RPL12: variants seen among roughly 807,000 people sequenced by gnomAD.
The protein encoded by RPL12 is large ribosomal subunit protein uL11.
RPL12 carries 10 observed loss-of-function variants against 24.5 expected under a neutral mutation model. That is an observed-to-expected ratio of 0.41 (90% CI 0.25 to 0.69). The LOEUF (loss-of-function observed/expected upper bound fraction) is 0.69, where lower values mean the gene tolerates loss of function less well. RPL12 is among the 30% of genes least tolerant of loss of function. The pLI is 0.33. For missense variants in RPL12, 137 were observed against 205.3 expected (o/e 0.67, Z 2.03); for synonymous variants, 74 against 76.1 (o/e 0.97, Z 0.14).
At position 127,449,700 on chromosome 9, in the gene RPL12, T is replaced by C. The variant is rs1834237906; in HGVS notation, c.120A>G (p.Lys40=). The change falls in exon 3 of 7, where the codon AAA becomes AAG. Residue 40 remains lysine (K), a synonymous_variant. Coordinates refer to ENST00000361436, the MANE Select transcript of RPL12 (RefSeq NM_000976.4). ...CCTTGGCAATGTCATCACCAACTTT[T>C]TTTGGAGACTAGAAATAAAGGCATG... The part of the protein sequence containing the change: ...PKIGPLGLSP[K]KVGDDIAKAT... 6.2e-7 allele frequency: 1 copy of C among 1,613,212 alleles called. No homozygotes were observed.
At chr9:127,450,941 C>T (rs1016627122) in intron 1 of RPL12, 137 bp from the exon 2 acceptor site, 5 of 729,348 alleles carry the variant, frequency 6.9e-6, no homozygotes, top group African/African-American at 5.4e-5. Flanking sequence ...CCACCCGCTC[C>T]TCCCTCGGGT....
In RPL12 at chr9:127,449,766, C is replaced by A. The variant is rs1269899959; in HGVS notation, c.112-58G>T. On this transcript the variant is annotated intron_variant, in intron 2 of 6. Coordinates refer to ENST00000361436, the MANE Select transcript of RPL12 (RefSeq NM_000976.4). ...CCAGAGGTGAACCACAGCCTTGAAACCTGCCCACCACTTCTCACTTGGCAA... is the reference window on the plus strand; with the variant it reads ...CCAGAGGTGAACCACAGCCTTGAAAACTGCCCACCACTTCTCACTTGGCAA... The A allele has an allele frequency of 2.2e-6, 3 of 1,347,540 alleles. No homozygotes were observed. In the African/African-American group the frequency reaches 4.3e-5, roughly 19 times the overall value. The allele number at this position is 1,347,540 out of a possible 1,614,324, so 83.5% of individuals were successfully genotyped here.
chr9:127,451,035 G>T, intron 1 of RPL12: 1 of 646,498 alleles, frequency 1.5e-6, no homozygotes. Context: ...CGAAACGCCC[G>T]GAGACAAGCC....
rs548935308 is a variant in RPL12 at position 127,451,166 on chromosome 9, G to A, written c.37+115C>T. On this transcript the variant is annotated intron_variant, in intron 1 of 6. Coordinates refer to ENST00000361436, the MANE Select transcript of RPL12 (RefSeq NM_000976.4). ...GCTTGGCCGGGGCGGCGCAACACCGGGAAGGTCTCTGGGAGGCAGCGGCTT... is the reference window on the plus strand; with the variant it reads ...GCTTGGCCGGGGCGGCGCAACACCGAGAAGGTCTCTGGGAGGCAGCGGCTT... 1.3e-5 allele frequency: 18 copies of A among 1,399,354 alleles called. No homozygotes were observed. In the African/African-American group the frequency reaches 2.4e-4, roughly 19 times the overall value. 86.7% of individuals were successfully genotyped at this position (1,399,354 alleles called of 1,614,324 possible).
intron 4 of RPL12, 42 bp from the exon 5 acceptor site, chr9:127,448,465 G>A: frequency 7.7e-7 from 1 of 1,292,662 alleles, no homozygotes; most frequent in Non-Finnish European, 1.1e-6. Context: ...AAAGTCTGAA[G>A]CCAAAGCAGA....
Position 127,451,393 on chromosome 9 carries a change from C to A in RPL12, c.-76G>T. On this transcript the variant is annotated 5_prime_UTR_variant, in exon 1 of 7. Coordinates refer to ENST00000361436, the MANE Select transcript of RPL12 (RefSeq NM_000976.4). ...AGTTGCACCTTGGCCTCCTCCGAGC[C>A]GAAAGCCGAGAGGCCGGAAATCGCG... is the stretch of plus-strand genomic sequence containing the variant. 1 of 1,586,590 alleles carries A rather than the reference C, an allele frequency of 6.3e-7. No homozygotes were observed.
Position 127,449,335 on chromosome 9 carries a change from G to C in RPL12, c.238C>G (p.Leu80Val). 6.2e-7 allele frequency: 1 copy of C among 1,610,504 alleles called. No individual in the cohort carries two copies. The highest frequency in any genetic ancestry group is 8.5e-7 in the Non-Finnish European group (1 of 1,179,934). The change falls in exon 4 of 7, where the codon CTG becomes GTG. Residue 80 changes from leucine to valine, a missense_variant. Leu to Val is a conservative substitution (Grantham distance 32). Around this residue, in one of 3 missense-constraint regions of RPL12, gnomAD observed 118 missense variants for 160.7 expected, o/e 0.73. Coordinates refer to ENST00000361436, the MANE Select transcript of RPL12 (RefSeq NM_000976.4). The stretch of plus-strand genomic sequence containing the variant: ...GGTTCCTTGAGGGCTTTGATGATCA[G>C]GGCAGAGGCAGAAGGCACCACCTCA... ...QIEVVPSASA[L>V]IIKALKEPPR...
intron 4 of RPL12, chr9:127,448,781 TCCTC>T: frequency 4.9e-6 from 2 of 411,568 alleles, no homozygotes; most frequent in Middle Eastern, 8.1e-4. Flanking sequence ...GCTGACATCT[TCCTC>T]CCACATGCAC....
At chr9:127,448,907 C>T (rs1377854808) in intron 4 of RPL12, among the ~76,000 whole-genome samples, 3 of 151,478 alleles carry the variant, frequency 2.0e-5, no homozygotes, top group Non-Finnish European at 2.9e-5. Flanking sequence ...TGGCTCACTG[C>T]TACAACCTCC....
intron 2 of RPL12, 22 bp downstream of exon 2, chr9:127,450,708 GC>G: frequency 6.5e-7 from 1 of 1,529,632 alleles, no homozygotes. Flanking sequence ...TGAAAAAAAT[GC>G]CCCTTGGAGG....
intron 1 of RPL12, 40 bp downstream of exon 1, chr9:127,451,241 T>C: frequency 3.1e-6 from 5 of 1,608,346 alleles, no homozygotes; most frequent in Non-Finnish European, 4.2e-6. Context: ...GGCCGAGGGA[T>C]GCTCCATCCC....
rs993633679 is a variant in RPL12, at chr9:127,448,153, G to A, written c.380-164C>T. On this transcript the variant is annotated intron_variant, in intron 5 of 6. Coordinates refer to ENST00000361436, the MANE Select transcript of RPL12 (RefSeq NM_000976.4). ...TCCATCTAGTTCCATAACCCGGAAT[G>A]CAAAGCTTCCATGGGTCCTTGATGC... Among the ~76,000 whole-genome samples the A allele has an allele frequency of 3.3e-5, 5 of 152,154 alleles. No homozygotes were observed. The East Asian group carries it at 7.7e-4, about 23-fold the overall frequency.
chr9:127,451,189 C>T (rs1383975770), intron 1 of RPL12, 92 bp downstream of exon 1: 1 of 1,528,684 alleles, frequency 6.5e-7, no homozygotes, highest in Non-Finnish European at 8.9e-7. Flanking sequence ...GAGGCAGCGG[C>T]TTTAAGAGCC....
At chr9:127,450,839 G>T in intron 1 of RPL12, 35 bp from the exon 2 acceptor site, 1 of 1,456,552 alleles carries the variant, frequency 6.9e-7, no homozygotes, top group Non-Finnish European at 9.3e-7. Flanking sequence ...CTGTGCAGAG[G>T]GAGCCCCGAG....
chr9:127,447,850 T>A, intron 6 of RPL12, 27 bp downstream of exon 6: 1 of 1,610,526 alleles, frequency 6.2e-7, no homozygotes, highest in Non-Finnish European at 8.5e-7. Flanking sequence ...CTTTCACCCC[T>A]ACTGTAACAA....
At chr9:127,450,492 C>G in intron 2 of RPL12, 1 of 478,840 alleles carries the variant, frequency 2.1e-6, no homozygotes, top group East Asian at 3.8e-5. Context: ...TTGGGCCCAC[C>G]CCTCAGGTAC....
At chr9:127,448,121 A>G in intron 5 of RPL12, 132 bp from the exon 6 acceptor site, 2 of 1,192,844 alleles carry the variant, frequency 1.7e-6, no homozygotes, top group Non-Finnish European at 1.2e-6. Context: ...AATATAGAAT[A>G]TAGAGTTCCA....
rs369495519 is a variant in RPL12, at chr9:127,448,039, A to G, written c.380-50T>C. The G allele has an allele frequency of 3.9e-6, 6 of 1,557,078 alleles. No individual in the cohort carries two copies. In the African/African-American group the frequency reaches 8.2e-5, roughly 21 times the overall value. ...TGGAGGTGCTGGCTCAGTCCCTCAC[A>G]ATCTGCAGATACTGGGGAATACTGA... On this transcript the variant is annotated intron_variant, in intron 5 of 6. Coordinates refer to ENST00000361436, the MANE Select transcript of RPL12 (RefSeq NM_000976.4).
In RPL12 at chr9:127,449,676, C is replaced by T; in HGVS notation, c.144G>A (p.Lys48=). 1 of 1,614,086 alleles carries T rather than the reference C, an allele frequency of 6.2e-7. No homozygotes were observed. Among genetic ancestry groups the T allele is most frequent in the Non-Finnish European group, 8.5e-7 (1 of 1,180,024 alleles). ...SPKKVGDDIA[K]ATGDWKGLRI... is the part of the protein sequence containing the mutation. ...TCAGGCCCTTCCAGTCACCCGTTGC[C>T]TTGGCAATGTCATCACCAACTTTTT... Residue 48 remains lysine (K), a synonymous_variant, in exon 3 of 7, where the codon AAG becomes AAA. Transcript: ENST00000361436.
Sources: gnomAD v4.1 joint callset for allele counts (sites outside exome capture counted in the v4.1 genomes callset) on GRCh38, gnomAD v4.1.1 for gene constraint, gnomAD v4.1.1 regional missense constraint, MANE v1.5 for transcripts, NCBI Gene and HGNC (gene_info 2026-07-23, HGNC 2026-07-21) for gene names.